FGF12: variants seen among roughly 807,000 people sequenced by gnomAD.
The protein encoded by FGF12 is fibroblast growth factor 12B.
FGF12 carries 14 observed loss-of-function variants against 23.6 expected under a neutral mutation model. The ratio of observed to expected loss-of-function variants is 0.59; its 90% CI spans 0.39 to 0.93. The LOEUF is 0.93. Among genes scored for constraint, FGF12 ranks in the 40% least tolerant of loss-of-function variants. FGF12 has a pLI of 0.00. For synonymous variants in FGF12, 62 were observed against 77.3 expected, an observed-to-expected ratio of 0.80 and a Z score of 1.04; for missense variants, 175 against 217.8, an observed-to-expected ratio of 0.80 and a Z score of 1.24.
chr3:192,344,980 A>T (rs73068528), intron 3 of FGF12, among the ~76,000 whole-genome samples: 227 of 152,326 alleles, frequency 1.5e-3, no homozygotes, highest in African/African-American at 5.0e-3. Context: ...AGTGAACAGC[A>T]CAGGTGACGG....
intron 3 of FGF12, among the ~76,000 whole-genome samples, chr3:192,354,976 C>T (rs1002477407): frequency 6.6e-6 from 1 of 152,168 alleles, no homozygotes; most frequent in African/African-American, 2.4e-5. Flanking sequence ...TCCCAAAGTG[C>T]TGGGATTACA....
intron 2 of FGF12, among the ~76,000 whole-genome samples, chr3:192,463,226 C>G (rs982917223): frequency 1.3e-5 from 2 of 152,020 alleles, no homozygotes; most frequent in African/African-American, 4.8e-5. Context: ...CGAGACCAGC[C>G]TGGACAACGT....
At chr3:192,410,648 C>T (rs1721170921) in intron 2 of FGF12, among the ~76,000 whole-genome samples, 2 of 152,156 alleles carry the variant, frequency 1.3e-5, no homozygotes, top group Non-Finnish European at 2.9e-5. Context: ...AAGTGTTTCC[C>T]TTCTTCTTGG....
intron 4 of FGF12, among the ~76,000 whole-genome samples, chr3:192,184,350 G>A (rs761697353): frequency 2.0e-5 from 3 of 152,180 alleles, no homozygotes; most frequent in Non-Finnish European, 4.4e-5. Flanking sequence ...TGAATTCTCT[G>A]CTTTTAGACA....
chr3:192,295,464 C>T (rs1405510710), intron 4 of FGF12, among the ~76,000 whole-genome samples: 2 of 152,120 alleles, frequency 1.3e-5, no homozygotes, highest in Admixed American at 1.3e-4. Context: ...AACTGTTCGA[C>T]ATATATAAAA....
intron 2 of FGF12, among the ~76,000 whole-genome samples, chr3:192,709,329 C>T (rs999781543): frequency 9.8e-5 from 15 of 152,286 alleles, no homozygotes; most frequent in African/African-American, 3.6e-4. Flanking sequence ...ATTACATGAA[C>T]GAGTTTGGAG....
chr3:192,445,569 G>A (rs535496485), intron 2 of FGF12, among the ~76,000 whole-genome samples: 2 of 152,150 alleles, frequency 1.3e-5, no homozygotes, highest in Non-Finnish European at 2.9e-5. Flanking sequence ...TCCAGGGGTC[G>A]TTTTACTCCA....
intron 2 of FGF12, among the ~76,000 whole-genome samples, chr3:192,667,428 A>G (rs1192135319): frequency 1.3e-5 from 2 of 150,656 alleles, no homozygotes; most frequent in Non-Finnish European, 3.0e-5. Flanking sequence ...ATATGGTGAA[A>G]CCCTGTCTCT....
At chr3:192,714,313 A>G (rs1718789990) in intron 2 of FGF12, among the ~76,000 whole-genome samples, 1 of 152,160 alleles carries the variant, frequency 6.6e-6, no homozygotes, top group African/African-American at 2.4e-5. Flanking sequence ...AAGGGTCATC[A>G]TAATATCAAA....
At chr3:192,361,249 ACC>A (rs1718712653) in intron 2 of FGF12, among the ~76,000 whole-genome samples, 1 of 151,958 alleles carries the variant, frequency 6.6e-6, no homozygotes, top group African/African-American at 2.4e-5. Context: ...ACTTTTAAAA[ACC>A]CTCTAAACAC....
intron 2 of FGF12, among the ~76,000 whole-genome samples, chr3:192,631,455 AC>A (rs1417583035): frequency 3.3e-5 from 5 of 152,212 alleles, no homozygotes; most frequent in Admixed American, 6.5e-5. Context: ...TCATTTGTTC[AC>A]CACATTGAGC....
intron 4 of FGF12, among the ~76,000 whole-genome samples, chr3:192,185,985 G>T (rs1716443561): frequency 1.3e-5 from 2 of 151,884 alleles, no homozygotes; most frequent in African/African-American, 2.4e-5. Flanking sequence ...AATATAAACT[G>T]AAGCATACAA....
intron 2 of FGF12, among the ~76,000 whole-genome samples, chr3:192,539,325 A>AT (rs545442472): frequency 2.0e-5 from 3 of 151,844 alleles, no homozygotes; most frequent in Non-Finnish European, 4.4e-5. Flanking sequence ...CTATACCCAG[A>AT]TTTTTTTTAG....
chr3:192,657,420 T>TAA (rs10663419), intron 2 of FGF12, among the ~76,000 whole-genome samples: 2,226 of 144,378 alleles, frequency 0.015, 72 homozygotes, highest in East Asian at 0.11. Flanking sequence ...AGAGAACTAT[T>TAA]AAAAAAAAAA....
intron 4 of FGF12, among the ~76,000 whole-genome samples, chr3:192,246,527 A>G (rs1056208132): frequency 5.9e-5 from 9 of 152,062 alleles, no homozygotes; most frequent in African/African-American, 2.2e-4. Context: ...TAAAAGTGAT[A>G]AGAAAGCCTA....
In FGF12 at chr3:192,611,715, TA is replaced by T. The variant is rs527379809; in HGVS notation, c.13+115465del. On this transcript the variant is annotated intron_variant, in intron 2 of 5. Transcript: ENST00000445105. ...CCAGGTTTTACTCCTGCTGTCATAT[TA>T]AAAGGATGTATACTGAAGGAGCAAC... is the stretch of plus-strand genomic sequence containing the variant. 2.9e-4 allele frequency among the ~76,000 whole-genome samples: 44 copies of T among 152,064 alleles called. No homozygotes were observed. The East Asian group carries it at 7.9e-3, about 27-fold the overall frequency.
At chr3:192,242,649 A>G (rs912932362) in intron 4 of FGF12, among the ~76,000 whole-genome samples, 4 of 152,166 alleles carry the variant, frequency 2.6e-5, no homozygotes, top group South Asian at 2.1e-4. Context: ...AAAATTAACA[A>G]AAATAGAAAA....
intron 2 of FGF12, among the ~76,000 whole-genome samples, chr3:192,561,867 C>A (rs1470298762): frequency 7.0e-6 from 1 of 143,734 alleles, no homozygotes; most frequent in Non-Finnish European, 1.5e-5. Context: ...GGTTTTTACA[C>A]AAGAGAAGTT....
At chr3:192,714,644 G>C (rs1402037198) in intron 2 of FGF12, among the ~76,000 whole-genome samples, 1 of 146,514 alleles carries the variant, frequency 6.8e-6, no homozygotes, top group Non-Finnish European at 1.5e-5. Flanking sequence ...TCAGCCTCCC[G>C]AGTAGCTGGG....
Sources: gnomAD v4.1 joint callset for allele counts (sites outside exome capture counted in the v4.1 genomes callset) on GRCh38, gnomAD v4.1.1 for gene constraint, MANE v1.5 for transcripts, NCBI Gene and HGNC (gene_info 2026-07-23, HGNC 2026-07-21) for gene names.